KIAA0825: variants seen among roughly 807,000 people sequenced by gnomAD.
KIAA0825 encodes the protein uncharacterized protein KIAA0825.
In KIAA0825, 119 loss-of-function variants were observed where a neutral mutation model predicts 147.6. The observed-to-expected ratio is 0.81, with a 90% confidence interval of 0.69 to 0.94. The LOEUF is 0.94. KIAA0825 is among the 40% of genes least tolerant of loss of function. KIAA0825 has a pLI of 0.00. For missense variants in KIAA0825, 1,381 were observed against 1,472.7 expected, an observed-to-expected ratio of 0.94 and a Z score of 1.02; for synonymous variants, 470 against 518.1, an observed-to-expected ratio of 0.91 and a Z score of 1.26.
At position 94,471,749 on chromosome 5, in the gene KIAA0825, T is replaced by C. The variant is rs1307743767; in HGVS notation, c.1456-18A>G. ...GAACAAAACTAGGGAGAAATAAATG[T>C]GGCACTGAGTTATTTGTATTCTGAC... On this transcript the variant is annotated intron_variant, in intron 8 of 20. Coordinates refer to ENST00000682413, the MANE Select transcript of KIAA0825 (RefSeq NM_001145678.3). The C allele has an allele frequency of 1.9e-6, 3 of 1,550,744 alleles. No individual in the cohort carries two copies. Among genetic ancestry groups the C allele is most frequent in the Non-Finnish European group, 8.7e-7 (1 of 1,146,300 alleles).
chr5:94,459,930 C>A (rs1336719997), intron 12 of KIAA0825, among the ~76,000 whole-genome samples: 1 of 152,030 alleles, frequency 6.6e-6, no homozygotes, highest in Non-Finnish European at 1.5e-5. Flanking sequence ...ATATCATCAG[C>A]TTTTCTTAAA....
chr5:94,357,351 A>C (rs1395607750), intron 20 of KIAA0825, among the ~76,000 whole-genome samples: 2 of 152,204 alleles, frequency 1.3e-5, no homozygotes, highest in Non-Finnish European at 2.9e-5. Flanking sequence ...AAGGAGAGTA[A>C]ATAAGCATAA....
intron 1 of KIAA0825, among the ~76,000 whole-genome samples, chr5:94,589,179 C>CA (rs909798194): frequency 5.3e-5 from 8 of 151,648 alleles, no homozygotes; most frequent in Admixed American, 2.6e-4. Context: ...ACAACAACAA[C>CA]AAAAAAAACA....
chr5:94,247,812 TC>T (rs1229205367), intron 20 of KIAA0825, among the ~76,000 whole-genome samples: 1 of 152,162 alleles, frequency 6.6e-6, no homozygotes, highest in East Asian at 1.9e-4. Flanking sequence ...AACACACTCT[TC>T]TATTAATACT....
chr5:94,484,703 A>G (rs1191738854), intron 6 of KIAA0825, 66 bp downstream of exon 6: 2 of 1,112,496 alleles, frequency 1.8e-6, no homozygotes, highest in African/African-American at 1.6e-5. Flanking sequence ...TTTTCATTCA[A>G]AGCAGCAGGA....
intron 5 of KIAA0825, among the ~76,000 whole-genome samples, chr5:94,513,410 T>C (rs184498753): frequency 2.0e-5 from 3 of 152,312 alleles, no homozygotes; most frequent in African/African-American, 4.8e-5. Flanking sequence ...TTAGAGGATA[T>C]AGCAAGTGAA....
At chr5:94,168,138 A>G (rs986635254) in intron 20 of KIAA0825, among the ~76,000 whole-genome samples, 1 of 151,814 alleles carries the variant, frequency 6.6e-6, no homozygotes, top group Admixed American at 6.6e-5. Context: ...TCCAAACTCA[A>G]TACTATTATA....
intron 5 of KIAA0825, among the ~76,000 whole-genome samples, chr5:94,502,372 T>C (rs186847642): frequency 3.9e-4 from 59 of 152,326 alleles, no homozygotes; most frequent in African/African-American, 1.3e-3. Context: ...TAGAATATCA[T>C]GGCAGTGCTG....
chr5:94,546,458 G>A (rs1288566598), intron 2 of KIAA0825, among the ~76,000 whole-genome samples: 1 of 152,100 alleles, frequency 6.6e-6, no homozygotes, highest in Non-Finnish European at 1.5e-5. Context: ...GGAAGTTCTA[G>A]TGGTGGTGGC....
intron 2 of KIAA0825, among the ~76,000 whole-genome samples, chr5:94,578,915 C>T (rs1337762492): frequency 6.6e-6 from 1 of 152,038 alleles, no homozygotes; most frequent in Non-Finnish European, 1.5e-5. Flanking sequence ...TGGAGTCACA[C>T]TGCTTATGTT....
At chr5:94,574,187 A>G (rs1780516755) in intron 2 of KIAA0825, among the ~76,000 whole-genome samples, 1 of 152,168 alleles carries the variant, frequency 6.6e-6, no homozygotes, top group Non-Finnish European at 1.5e-5. Flanking sequence ...AGTTGGAGAC[A>G]TTTTAATCTC....
At chr5:94,300,786 A>G (rs1470382815) in intron 20 of KIAA0825, among the ~76,000 whole-genome samples, 1 of 152,320 alleles carries the variant, frequency 6.6e-6, no homozygotes, top group East Asian at 1.9e-4. Context: ...TAAATAAAGA[A>G]GCAACTTTTC....
intron 20 of KIAA0825, among the ~76,000 whole-genome samples, chr5:94,322,215 TACTAAGCCAC>T (rs1289053060): frequency 6.6e-6 from 1 of 151,960 alleles, no homozygotes; most frequent in African/African-American, 2.4e-5. Context: ...AATACAGATG[TACTAAGCCAC>T]ATTAGGCATT....
intron 20 of KIAA0825, among the ~76,000 whole-genome samples, chr5:94,354,029 A>G (rs1370591196): frequency 6.6e-6 from 1 of 152,190 alleles, no homozygotes; most frequent in East Asian, 1.9e-4. Context: ...TTCTCAGTGT[A>G]CAATGTTCAT....
At chr5:94,265,690 A>G (rs2150136841) in intron 20 of KIAA0825, among the ~76,000 whole-genome samples, 1 of 152,188 alleles carries the variant, frequency 6.6e-6, no homozygotes, top group Non-Finnish European at 1.5e-5. Flanking sequence ...AATCCCAGCT[A>G]CTCAGGAGGC....
intron 9 of KIAA0825, among the ~76,000 whole-genome samples, chr5:94,470,875 G>GT (rs1407829369): frequency 6.6e-6 from 1 of 152,110 alleles, no homozygotes; most frequent in Non-Finnish European, 1.5e-5. Flanking sequence ...TCTAGACAGT[G>GT]TAAGGGCAAC....
chr5:94,505,965 T>C (rs1765689590), intron 5 of KIAA0825, among the ~76,000 whole-genome samples: 1 of 152,228 alleles, frequency 6.6e-6, no homozygotes, highest in South Asian at 2.1e-4. Context: ...GAAAAATACG[T>C]TTAGCTATCA....
At chr5:94,389,037 A>C (rs1749557056) in intron 18 of KIAA0825, among the ~76,000 whole-genome samples, 1 of 152,160 alleles carries the variant, frequency 6.6e-6, no homozygotes, top group South Asian at 2.1e-4. Context: ...TACTCTGAGA[A>C]TGACCCTGTA....
At chr5:94,546,216 T>A (rs557058781) in intron 2 of KIAA0825, among the ~76,000 whole-genome samples, 2 of 152,248 alleles carry the variant, frequency 1.3e-5, no homozygotes, top group African/African-American at 4.8e-5. Context: ...GAACACCAGA[T>A]AGATTTCTAA....
Sources: allele counts gnomAD v4.1 joint callset (sites outside exome capture counted in the v4.1 genomes callset), GRCh38; gene constraint gnomAD v4.1.1; transcripts MANE v1.5; gene names NCBI Gene and HGNC (gene_info 2026-07-23, HGNC 2026-07-21).